The following JMJD1C variants were observed in gnomAD, a reference collection of about 807,000 sequenced individuals.
JMJD1C encodes jumonji domain-containing protein 1C.
JMJD1C carries 31 observed loss-of-function variants against 245.3 expected under a neutral mutation model. The ratio of observed to expected loss-of-function variants is 0.13; its 90% CI spans 0.09 to 0.17. JMJD1C has a LOEUF of 0.17. JMJD1C is among the 10% of genes least tolerant of loss of function. The pLI is 1.00. For missense variants in JMJD1C, 2,691 were observed against 3,000.2 expected, an observed-to-expected ratio of 0.90 and a Z score of 2.41; for synonymous variants, 1,057 against 1,017.4, an observed-to-expected ratio of 1.04 and a Z score of -0.74.
At chr10:63,361,314 T>C (rs1391041841) in intron 2 of JMJD1C, among the ~76,000 whole-genome samples, 2 of 152,086 alleles carry the variant, frequency 1.3e-5, no homozygotes, top group African/African-American at 4.8e-5. Flanking sequence ...TCCCAGCTAC[T>C]TGGGAGGCTG....
At position 63,308,952 on chromosome 10, in the gene JMJD1C, G is replaced by C. The variant is rs547560047; in HGVS notation, c.334-44188C>G. Among the ~76,000 whole-genome samples the C allele has an allele frequency of 1.3e-4, 20 of 152,230 alleles. 1 individual carries two copies. In the South Asian group the frequency reaches 4.1e-3, roughly 32 times the overall value. On this transcript the variant is annotated intron_variant, in intron 2 of 25. Transcript: ENST00000399262. ...AAAGAGAAGATTCTATATGCTTTTA[G>C]AAAGAAAAAGTGACAAAGGATCAGA...
chr10:63,315,723 C>T (rs964927739), intron 2 of JMJD1C, among the ~76,000 whole-genome samples: 1 of 151,490 alleles, frequency 6.6e-6, no homozygotes, highest in Admixed American at 6.6e-5. Flanking sequence ...ACCTGTAGTC[C>T]CAGCTACTTG....
intron 3 of JMJD1C, among the ~76,000 whole-genome samples, chr10:63,257,037 A>G (rs1449887024): frequency 6.6e-6 from 1 of 151,940 alleles, no homozygotes; most frequent in African/African-American, 2.4e-5. Flanking sequence ...GAGTTCGAGA[A>G]CATCCTGGCC....
chr10:63,245,475 A>ATTTTT (rs1289186904), intron 3 of JMJD1C, among the ~76,000 whole-genome samples: 1 of 50,958 alleles, frequency 2.0e-5, no homozygotes, highest in Non-Finnish European at 3.6e-5. Context: ...CTGCAGGGGA[A>ATTTTT]CTCTTTTTTT....
intron 3 of JMJD1C, among the ~76,000 whole-genome samples, chr10:63,255,002 C>T (rs545961180): frequency 1.3e-5 from 2 of 151,996 alleles, no homozygotes; most frequent in Non-Finnish European, 2.9e-5. Flanking sequence ...TATACACGTG[C>T]ACCACCATGC....
intron 1 of JMJD1C, among the ~76,000 whole-genome samples, chr10:63,427,054 T>C (rs970071845): frequency 1.4e-4 from 22 of 152,318 alleles, no homozygotes; most frequent in Middle Eastern, 3.4e-3. Flanking sequence ...ATAATGTGGT[T>C]TGTGTATGTA....
intron 2 of JMJD1C, among the ~76,000 whole-genome samples, chr10:63,271,255 C>A (rs887750250): frequency 6.6e-6 from 1 of 151,916 alleles, no homozygotes; most frequent in East Asian, 1.9e-4. Flanking sequence ...CTCGCTGCAA[C>A]CTCTGCCCCC....
chr10:63,369,656 T>C (rs1039359288), intron 2 of JMJD1C, among the ~76,000 whole-genome samples: 7 of 152,362 alleles, frequency 4.6e-5, no homozygotes, highest in Non-Finnish European at 1.0e-4. Flanking sequence ...ACTACTGCAA[T>C]GTCTGTCATA....
chr10:63,427,700 G>A (rs1303197481), intron 1 of JMJD1C: 22 of 1,315,786 alleles, frequency 1.7e-5, no homozygotes, highest in African/African-American at 8.7e-5. Context: ...GTCTCCTCTA[G>A]CTTATTTGGT....
intron 2 of JMJD1C, among the ~76,000 whole-genome samples, chr10:63,278,558 C>CA (rs1333453149): frequency 1.3e-5 from 2 of 150,256 alleles, no homozygotes; most frequent in Admixed American, 6.6e-5. Context: ...AACAAACAAA[C>CA]AAAAAAAAGA....
At chr10:63,463,023 G>A (rs544726960) in intron 1 of JMJD1C, among the ~76,000 whole-genome samples, 1 of 151,920 alleles carries the variant, frequency 6.6e-6, no homozygotes. Flanking sequence ...TGTGCCACAG[G>A]TTTGTGGCAC....
In JMJD1C at chr10:63,354,326, C is replaced by A. The variant is rs74755401; in HGVS notation, c.333+25992G>T. Among the ~76,000 whole-genome samples the A allele has an allele frequency of 1.8e-3, 272 of 152,266 alleles. 5 individuals carry two copies. The East Asian group carries it at 0.029, about 16-fold the overall frequency. On this transcript the variant is annotated intron_variant, in intron 2 of 25. Coordinates refer to ENST00000399262, the MANE Select transcript of JMJD1C (RefSeq NM_032776.3). ...TAATCTAATGAAATTGTATATTTTT[C>A]TTAACCTAAAATTATTCATTTTTAT...
At chr10:63,227,426 CG>C (rs1157793399) in intron 3 of JMJD1C, among the ~76,000 whole-genome samples, 2 of 152,168 alleles carry the variant, frequency 1.3e-5, no homozygotes, top group Non-Finnish European at 2.9e-5. Context: ...GGCTTAATAA[CG>C]TAACAGATTT....
At chr10:63,417,890 C>G (rs920678977) in intron 1 of JMJD1C, among the ~76,000 whole-genome samples, 1 of 152,128 alleles carries the variant, frequency 6.6e-6, no homozygotes, top group Non-Finnish European at 1.5e-5. Flanking sequence ...GTAACATAGA[C>G]AAGTTTTTAT....
chr10:63,267,023 A>C (rs978729760), intron 2 of JMJD1C, among the ~76,000 whole-genome samples: 1 of 152,170 alleles, frequency 6.6e-6, no homozygotes, highest in Non-Finnish European at 1.5e-5. Flanking sequence ...GTCTCATTGA[A>C]AGCCAAGTAA....
At position 63,386,279 on chromosome 10, in the gene JMJD1C, CA is replaced by C. The variant is rs371340306; in HGVS notation, c.169-5798del. Among the ~76,000 whole-genome samples the C allele has an allele frequency of 9.2e-4, 140 of 152,290 alleles. 1 individual carries two copies. The highest frequency in any genetic ancestry group is 3.3e-3 in the African/African-American group (135 of 41,536). On this transcript the variant is annotated intron_variant, in intron 1 of 25. Transcript: ENST00000399262. ...TACTGTGGGCTACTGCTGCCAGGGT[CA>C]ACACCCTAGCAAAGTGCACCTGCCC... is the stretch of plus-strand genomic sequence containing the variant.
intron 1 of JMJD1C, among the ~76,000 whole-genome samples, chr10:63,448,767 T>C (rs966225483): frequency 6.6e-6 from 1 of 152,228 alleles, no homozygotes; most frequent in Non-Finnish European, 1.5e-5. Flanking sequence ...TATATCATGC[T>C]AAACACATTG....
chr10:63,395,690 C>G (rs529589186), intron 1 of JMJD1C, among the ~76,000 whole-genome samples: 202 of 152,104 alleles, frequency 1.3e-3, no homozygotes, highest in Admixed American at 3.6e-3. Context: ...TAGACAAAAG[C>G]TGGAAAAAAC....
chr10:63,221,081 G>A (rs942895002), intron 3 of JMJD1C, among the ~76,000 whole-genome samples: 1 of 147,054 alleles, frequency 6.8e-6, no homozygotes, highest in African/African-American at 2.5e-5. Context: ...CTGCACTCCA[G>A]CCTGGGCGAC....
Sources: gnomAD v4.1 joint callset for allele counts (sites outside exome capture counted in the v4.1 genomes callset) on GRCh38, gnomAD v4.1.1 for gene constraint, MANE v1.5 for transcripts, NCBI Gene and HGNC (gene_info 2026-07-23, HGNC 2026-07-21) for gene names.